LINGO2: variants seen among roughly 807,000 people sequenced by gnomAD.
LINGO2 encodes leucine-rich repeat and immunoglobulin-like domain-containing nogo receptor-interacting protein 2.
In LINGO2, 14 loss-of-function variants were observed where a neutral mutation model predicts 30.6. The ratio of observed to expected loss-of-function variants is 0.46; its 90% confidence interval spans 0.30 to 0.72. LINGO2 has a LOEUF of 0.72. Ranked by LOEUF, LINGO2 falls within the 30% of genes least tolerant of loss-of-function variation. The pLI, the probability that LINGO2 is intolerant of heterozygous loss-of-function variation, is 0.07. For synonymous variants in LINGO2, 317 were observed against 288.5 expected, an observed-to-expected ratio of 1.10 and a Z score of -1.00; for missense variants, 729 against 751.7, an observed-to-expected ratio of 0.97 and a Z score of 0.35.
At chr9:28,300,445 G>T (rs1824098084) in intron 3 of LINGO2, among the ~76,000 whole-genome samples, 1 of 152,076 alleles carries the variant, frequency 6.6e-6, no homozygotes. Flanking sequence ...GCTCAAAGAT[G>T]CCTAATTCTG....
chr9:28,234,673 C>A (rs2133949278), intron 4 of LINGO2, among the ~76,000 whole-genome samples: 1 of 151,126 alleles, frequency 6.6e-6, no homozygotes, highest in Admixed American at 6.6e-5. Context: ...AGTTCTTCAG[C>A]TTTTGGAATC....
At chr9:29,188,396 GAA>G in the LINGO2 span, among the ~76,000 whole-genome samples, 26 of 152,216 alleles carry the variant, frequency 1.7e-4, no homozygotes, top group East Asian at 7.8e-4. Flanking sequence ...AGAACAAAAT[GAA>G]AAGTCTCCCA....
chr9:28,040,066 A>G (rs1824127497), intron 4 of LINGO2, among the ~76,000 whole-genome samples: 2 of 152,242 alleles, frequency 1.3e-5, no homozygotes, highest in Non-Finnish European at 2.9e-5. Flanking sequence ...AGACTTTTTC[A>G]AAACCATTTT....
intron 3 of LINGO2, among the ~76,000 whole-genome samples, chr9:28,346,220 A>G (rs1819560960): frequency 6.6e-6 from 1 of 152,146 alleles, no homozygotes; most frequent in Non-Finnish European, 1.5e-5. Context: ...GTCTTCAAGT[A>G]GGCCCCACTG....
intron 4 of LINGO2, among the ~76,000 whole-genome samples, chr9:28,165,442 A>T (rs1828399144): frequency 6.6e-6 from 1 of 152,196 alleles, no homozygotes. Flanking sequence ...CAGGTTTTAC[A>T]TAAAAGATGC....
At chr9:28,967,310 C>A in the LINGO2 span, among the ~76,000 whole-genome samples, 1 of 151,960 alleles carries the variant, frequency 6.6e-6, no homozygotes, top group African/African-American at 2.4e-5. Context: ...GAAGTAGAGC[C>A]TAAAGAATTT....
intron 5 of LINGO2, among the ~76,000 whole-genome samples, chr9:27,984,079 G>A (rs1329197477): frequency 6.6e-6 from 1 of 151,776 alleles, no homozygotes; most frequent in Non-Finnish European, 1.5e-5. Flanking sequence ...GTGGGGCAGT[G>A]GACTGGGAAG....
At chr9:29,038,547 T>C in the LINGO2 span, among the ~76,000 whole-genome samples, 6,262 of 151,918 alleles carry the variant, frequency 0.041, 198 homozygotes, top group Admixed American at 0.082. Context: ...ATAGCATTTA[T>C]ATTCAGTTAC....
chr9:28,884,980 AATATATAATAATATAT>A, the LINGO2 span, among the ~76,000 whole-genome samples: 11,583 of 22,414 alleles, frequency 0.52, 2,780 homozygotes, highest in Non-Finnish European at 0.57. Flanking sequence ...TAATATATAT[AATATATAATAATATAT>A]TATATATATA....
At chr9:27,972,114 C>T (rs10968239) in intron 5 of LINGO2, among the ~76,000 whole-genome samples, 10,221 of 151,842 alleles carry the variant, frequency 0.067, 996 homozygotes, top group African/African-American at 0.2. Context: ...AATTAAAAAA[C>T]GAAAGAGAAA....
chr9:28,068,046 T>C lies in LINGO2; in HGVS notation c.-86-55641A>G, dbSNP rs1587803711. The stretch of plus-strand genomic sequence containing the variant: ...TGCTTTGGGGCATCAATTAGTTCTC[T>C]GGAATGACTAAAGTCTCTGTCTTCT... On this transcript the variant is annotated intron_variant, in intron 4 of 5. Transcript: ENST00000379992. Among the ~76,000 whole-genome samples the C allele has an allele frequency of 1.3e-5, 2 of 152,174 alleles. 1 individual carries two copies. The highest frequency in any genetic ancestry group is 4.8e-5 in the African/African-American group (2 of 41,452).
intron 4 of LINGO2, among the ~76,000 whole-genome samples, chr9:28,018,538 T>C (rs1822955224): frequency 6.6e-6 from 1 of 151,964 alleles, no homozygotes; most frequent in South Asian, 2.1e-4. Flanking sequence ...ACAAAGGACA[T>C]GAACAGATAC....
At chr9:28,405,368 T>C (rs1197235429) in intron 2 of LINGO2, among the ~76,000 whole-genome samples, 1 of 152,162 alleles carries the variant, frequency 6.6e-6, no homozygotes, top group African/African-American at 2.4e-5. Flanking sequence ...TCTATCATAG[T>C]TAACTCTAAA....
At chr9:28,665,442 T>A (rs1828763294) in intron 1 of LINGO2, among the ~76,000 whole-genome samples, 1 of 152,032 alleles carries the variant, frequency 6.6e-6, no homozygotes, top group Admixed American at 6.6e-5. Flanking sequence ...TCCAATAGAA[T>A]CATAAGTTAA....
At chr9:28,028,599 A>T (rs1412367269) in intron 4 of LINGO2, among the ~76,000 whole-genome samples, 1 of 152,156 alleles carries the variant, frequency 6.6e-6, no homozygotes, top group African/African-American at 2.4e-5. Context: ...ATAGATACCA[A>T]AACCAGAAGA....
At chr9:28,794,935 A>G in the LINGO2 span, among the ~76,000 whole-genome samples, 1 of 151,476 alleles carries the variant, frequency 6.6e-6, no homozygotes, top group Non-Finnish European at 1.5e-5. Context: ...GGTTCAAGCG[A>G]TTCTCCTGCC....
intron 2 of LINGO2, among the ~76,000 whole-genome samples, chr9:28,448,932 C>A (rs1824535508): frequency 6.6e-6 from 1 of 151,912 alleles, no homozygotes; most frequent in South Asian, 2.1e-4. Flanking sequence ...GCATTACCAC[C>A]AGATTGGTAC....
intron 1 of LINGO2, among the ~76,000 whole-genome samples, chr9:28,558,958 G>GA (rs1172973696): frequency 2.0e-5 from 3 of 152,092 alleles, no homozygotes; most frequent in African/African-American, 7.2e-5. Flanking sequence ...GAGATTTAGA[G>GA]AAAAAAGTAG....
At chr9:28,847,068 C>T in the LINGO2 span, among the ~76,000 whole-genome samples, 1 of 145,592 alleles carries the variant, frequency 6.9e-6, no homozygotes, top group African/African-American at 2.7e-5. Flanking sequence ...CCCCAACAAG[C>T]TACATGGCTA....
Sources: gnomAD v4.1 joint callset for allele counts (sites outside exome capture counted in the v4.1 genomes callset) on GRCh38, gnomAD v4.1.1 for gene constraint, MANE v1.5 for transcripts, NCBI Gene and HGNC (gene_info 2026-07-23, HGNC 2026-07-21) for gene names.